PALLD: variants seen among roughly 807,000 people sequenced by gnomAD.
PALLD encodes palladin, cytoskeletal associated protein.
A neutral mutation model predicts 123.5 loss-of-function variants in PALLD; 61 were observed. That is an observed-to-expected ratio of 0.49 (90% confidence interval 0.40 to 0.61). The LOEUF is 0.61. Among genes scored for constraint, PALLD ranks in the 20% least tolerant of loss-of-function variants. PALLD has a pLI of 0.00. For missense variants in PALLD, 1,273 were observed against 1,377.0 expected (o/e 0.92, Z 1.20); for synonymous variants, 465 against 496.4 (o/e 0.94, Z 0.84).
At chr4:168,744,476 C>T (rs1788663565) in intron 10 of PALLD, among the ~76,000 whole-genome samples, 1 of 135,032 alleles carries the variant, frequency 7.4e-6, no homozygotes, top group Admixed American at 7.5e-5. Flanking sequence ...AGAGCCAAGA[C>T]AAGGTGTCTG....
rs899963551 is a variant in PALLD at position 168,877,992 on chromosome 4, C to A, written c.1965-12930C>A. On this transcript the variant is annotated intron_variant, in intron 10 of 21. Coordinates refer to ENST00000505667, the MANE Select transcript of PALLD (RefSeq NM_001166108.2). ...TTCATCGCCGCGCAGAACCTCGGGC[C>A]CGCGTCGGGCCACGGCACGCCGGCC... 7 of 1,500,006 alleles carry A rather than the reference C, an allele frequency of 4.7e-6. No homozygotes were observed. The highest frequency in any genetic ancestry group is 2.1e-5 in the Admixed American group (1 of 47,256). 92.9% of individuals were successfully genotyped at this position (1,500,006 alleles called of 1,614,324 possible).
chr4:168,719,067 C>G (rs1785675163), intron 10 of PALLD, among the ~76,000 whole-genome samples: 1 of 150,948 alleles, frequency 6.6e-6, no homozygotes. Context: ...ACCACAACAC[C>G]TGGCTAATTT....
chr4:168,587,075 C>G (rs1423247929), intron 2 of PALLD, among the ~76,000 whole-genome samples: 3 of 152,254 alleles, frequency 2.0e-5, no homozygotes, highest in Non-Finnish European at 4.4e-5. Flanking sequence ...GCCAGAGAAG[C>G]TGCTAAACAT....
intron 2 of PALLD, among the ~76,000 whole-genome samples, chr4:168,641,923 A>G (rs1776992306): frequency 6.6e-6 from 1 of 152,224 alleles, no homozygotes; most frequent in Non-Finnish European, 1.5e-5. Context: ...ATACTCCAGG[A>G]GGCGGATAGA....
chr4:168,536,730 T>G (rs1475375408), intron 2 of PALLD: 1 of 152,138 alleles, frequency 6.6e-6, no homozygotes, highest in East Asian at 1.9e-4. Context: ...TACCTCCACC[T>G]GGTCTCTCCC....
intron 9 of PALLD, among the ~76,000 whole-genome samples, chr4:168,711,135 G>A (rs1230478282): frequency 6.6e-6 from 1 of 152,128 alleles, no homozygotes; most frequent in Admixed American, 6.5e-5. Flanking sequence ...GGACTCCAAG[G>A]TTTACCTTCC....
Position 168,927,966 on chromosome 4 carries a change from A to AT in PALLD, c.*1792dup, listed in dbSNP as rs758290443. ...CTCAGTTACTCAATTCATACGTAGT[A>AT]TTTTTTAAAATAATTTTATATCTGT... On this transcript the variant is annotated 3_prime_UTR_variant, in exon 22 of 22. Coordinates refer to ENST00000505667, the MANE Select transcript of PALLD (RefSeq NM_001166108.2). 6 of 196,282 alleles carry AT rather than the reference A, an allele frequency of 3.1e-5. No individual in the cohort carries two copies. The highest frequency in any genetic ancestry group is 3.9e-4 in the South Asian group (2 of 5,182). The allele number at this position is 196,282 out of a possible 1,614,324, so 12.2% of individuals were successfully genotyped here. A position where few individuals can be genotyped will look rare whatever the true frequency, so the allele number is the denominator to read the frequency against.
chr4:168,788,468 G>T (rs1161667197), intron 10 of PALLD, among the ~76,000 whole-genome samples: 1 of 152,210 alleles, frequency 6.6e-6, no homozygotes, highest in African/African-American at 2.4e-5. Flanking sequence ...CAGGAGTTGA[G>T]GGGAGCAGGA....
chr4:168,566,419 T>C (rs1768387714), intron 2 of PALLD, among the ~76,000 whole-genome samples: 1 of 152,138 alleles, frequency 6.6e-6, no homozygotes, highest in African/African-American at 2.4e-5. Flanking sequence ...TACCTCAGCC[T>C]CCTAAGTAGC....
At chr4:168,790,456 G>A (rs1189882554) in intron 10 of PALLD, among the ~76,000 whole-genome samples, 10 of 151,532 alleles carry the variant, frequency 6.6e-5, no homozygotes, top group African/African-American at 2.4e-4. Flanking sequence ...CACCATGCCT[G>A]GCATCTTTTT....
At chr4:168,760,891 G>A (rs772128845) in intron 10 of PALLD, among the ~76,000 whole-genome samples, 4 of 152,000 alleles carry the variant, frequency 2.6e-5, no homozygotes, top group Non-Finnish European at 5.9e-5. Context: ...GTTATCCATC[G>A]AGTTCTGCCC....
chr4:168,750,207 A>G (rs1730869787), intron 10 of PALLD, among the ~76,000 whole-genome samples: 2 of 151,788 alleles, frequency 1.3e-5, no homozygotes, highest in African/African-American at 2.4e-5. Context: ...TCACCCTCCC[A>G]AAGTGCTGGG....
At chr4:168,609,326 C>T (rs2149757521) in intron 2 of PALLD, among the ~76,000 whole-genome samples, 1 of 106,842 alleles carries the variant, frequency 9.4e-6, no homozygotes, top group Non-Finnish European at 1.7e-5. Flanking sequence ...GATAAGAAAG[C>T]AGGAGTGAAA....
At chr4:168,831,324 G>A (rs1254212921) in intron 10 of PALLD, among the ~76,000 whole-genome samples, 1 of 145,928 alleles carries the variant, frequency 6.9e-6, no homozygotes, top group South Asian at 2.2e-4. Context: ...AGTGACTCAG[G>A]GCCTCCAGTA....
At chr4:168,594,423 T>TA (rs958560545) in intron 2 of PALLD, among the ~76,000 whole-genome samples, 10 of 151,802 alleles carry the variant, frequency 6.6e-5, no homozygotes, top group Admixed American at 2.0e-4. Context: ...GAAGTAGCCT[T>TA]AAAAAAAACA....
chr4:168,606,933 C>T (rs1392746437), intron 2 of PALLD, among the ~76,000 whole-genome samples: 2 of 152,168 alleles, frequency 1.3e-5, no homozygotes, highest in Non-Finnish European at 2.9e-5. Context: ...TTGCTCATAA[C>T]ATTGAGTTCC....
chr4:168,811,770 T>TCACACACACACACA (rs1402735922), intron 10 of PALLD, among the ~76,000 whole-genome samples: 10 of 101,836 alleles, frequency 9.8e-5, no homozygotes, highest in African/African-American at 3.0e-4. Flanking sequence ...TCTCTCTCTC[T>TCACACACACACACA]CTCTCTCACA....
chr4:168,689,735 A>T (rs1189197666), intron 6 of PALLD, among the ~76,000 whole-genome samples: 1 of 152,106 alleles, frequency 6.6e-6, no homozygotes, highest in East Asian at 1.9e-4. Context: ...GATGTGAGCC[A>T]CCACACCTGG....
chr4:168,499,465 G>C (rs1056239665), intron 1 of PALLD, among the ~76,000 whole-genome samples: 20 of 152,116 alleles, frequency 1.3e-4, no homozygotes, highest in African/African-American at 4.8e-4. Flanking sequence ...GGTTTTCATA[G>C]TTTAGGTTTT....
Sources: allele counts gnomAD v4.1 joint callset (sites outside exome capture counted in the v4.1 genomes callset), GRCh38; gene constraint gnomAD v4.1.1; transcripts MANE v1.5; gene names NCBI Gene and HGNC (gene_info 2026-07-23, HGNC 2026-07-21).